EPHA7: variants seen among roughly 807,000 people sequenced by gnomAD.
The protein encoded by EPHA7 is ephrin type-A receptor 7.
EPHA7 carries 25 observed loss-of-function variants against 112.6 expected under a neutral mutation model. The observed-to-expected ratio is 0.22, with a 90% confidence interval of 0.16 to 0.31. The LOEUF is 0.31. Among genes scored for constraint, EPHA7 ranks in the 10% least tolerant of loss-of-function variants. EPHA7 has a pLI of 1.00. For synonymous variants in EPHA7, 437 were observed against 406.5 expected, an observed-to-expected ratio of 1.07 and a Z score of -0.90; for missense variants, 962 against 1,212.6, an observed-to-expected ratio of 0.79 and a Z score of 3.07.
intron 5 of EPHA7, among the ~76,000 whole-genome samples, chr6:93,331,720 A>T (rs1036852397): frequency 2.6e-5 from 4 of 151,590 alleles, no homozygotes; most frequent in African/African-American, 9.7e-5. Flanking sequence ...TGTAATTTGT[A>T]TGTGTGTGGC....
chr6:93,342,437 T>G (rs1439573523), intron 5 of EPHA7, among the ~76,000 whole-genome samples: 3 of 151,826 alleles, frequency 2.0e-5, no homozygotes, highest in African/African-American at 7.2e-5. Context: ...CACTCTATGC[T>G]CATACTATAA....
chr6:93,356,635 G>C (rs1407252415), intron 5 of EPHA7, 82 bp downstream of exon 5: 3 of 1,292,428 alleles, frequency 2.3e-6, no homozygotes, highest in Non-Finnish European at 2.2e-6. Flanking sequence ...TCTGTGCAGA[G>C]AAACTAACTA....
At position 93,357,066 on chromosome 6, in the gene EPHA7, G is replaced by T. The variant is rs769306272; in HGVS notation, c.989-14C>A. On this transcript the variant is annotated splice_polypyrimidine_tract_variant and intron_variant, in intron 4 of 16. Transcript: ENST00000369303. Reference sequence around the variant, plus strand: ...CAGATGGAGGCCCTTGGGAAACCAAGAATAAATAAGTAAATAAGCAAAAAT... The same window carrying T: ...CAGATGGAGGCCCTTGGGAAACCAATAATAAATAAGTAAATAAGCAAAAAT... 2 of 1,550,270 alleles carry T rather than the reference G, an allele frequency of 1.3e-6. No individual in the cohort carries two copies. The highest frequency in any genetic ancestry group is 1.7e-6 in the Non-Finnish European group (2 of 1,147,124).
intron 5 of EPHA7, among the ~76,000 whole-genome samples, chr6:93,296,708 A>G (rs1228915912): frequency 6.6e-6 from 1 of 151,720 alleles, no homozygotes; most frequent in Non-Finnish European, 1.5e-5. Context: ...GTGAGGAGAA[A>G]ATGGCATGAT....
At chr6:93,276,775 C>G (rs1304091370) in intron 5 of EPHA7, among the ~76,000 whole-genome samples, 2 of 152,008 alleles carry the variant, frequency 1.3e-5, no homozygotes, top group African/African-American at 4.8e-5. Context: ...AGACCCAAAA[C>G]ACAATGTTTC....
intron 3 of EPHA7, among the ~76,000 whole-genome samples, chr6:93,379,039 A>G (rs1777202801): frequency 6.6e-6 from 1 of 152,176 alleles, no homozygotes; most frequent in Non-Finnish European, 1.5e-5. Context: ...TATGGCTGAA[A>G]TGAATAAAAT....
At chr6:93,419,147 C>T in intron 1 of EPHA7, 98 bp downstream of exon 1, 1 of 987,636 alleles carries the variant, frequency 1.0e-6, no homozygotes, top group South Asian at 2.1e-5. Context: ...TCGCCCGGCG[C>T]CGGAGGCGCG....
chr6:93,393,638 G>A (rs2127982911), intron 3 of EPHA7, among the ~76,000 whole-genome samples: 1 of 151,854 alleles, frequency 6.6e-6, no homozygotes, highest in South Asian at 2.1e-4. Context: ...AGGGCAAAGG[G>A]GTAGAAACTT....
chr6:93,246,418 T>C (rs1193146596), intron 15 of EPHA7, among the ~76,000 whole-genome samples: 1 of 152,128 alleles, frequency 6.6e-6, no homozygotes, highest in Non-Finnish European at 1.5e-5. Flanking sequence ...AACAGTTAAA[T>C]AGATACTATG....
At chr6:93,383,012 T>C (rs1777418318) in intron 3 of EPHA7, among the ~76,000 whole-genome samples, 2 of 152,254 alleles carry the variant, frequency 1.3e-5, no homozygotes, top group Middle Eastern at 3.4e-3. Context: ...CTTTATCCTG[T>C]TTTAAGAGCC....
intron 1 of EPHA7, among the ~76,000 whole-genome samples, chr6:93,415,920 A>C (rs1779198875): frequency 6.6e-6 from 1 of 152,194 alleles, no homozygotes; most frequent in South Asian, 2.1e-4. Flanking sequence ...CAAAGGAACA[A>C]CTGATTATCT....
At position 93,411,180 on chromosome 6, in the gene EPHA7, T is replaced by A. The variant is rs367986894; in HGVS notation, c.163-10A>T. 4.4e-6 allele frequency: 7 copies of A among 1,590,116 alleles called. No homozygotes were observed. Among genetic ancestry groups the A allele is most frequent in the Middle Eastern group, 1.7e-4 (1 of 5,888 alleles). ...CACTAATTTCTTCCCACTGTAAAAT[T>A]TGAAAAAAGGTCATCAGTCATTCAG... On this transcript the variant is annotated splice_polypyrimidine_tract_variant and intron_variant, in intron 2 of 16. Transcript: ENST00000369303.
At chr6:93,393,581 C>T (rs970173539) in intron 3 of EPHA7, among the ~76,000 whole-genome samples, 5 of 151,710 alleles carry the variant, frequency 3.3e-5, no homozygotes, top group African/African-American at 1.2e-4. Flanking sequence ...TTTTTTAAAA[C>T]CCTATATTGG....
At chr6:93,334,988 C>T (rs1367907515) in intron 5 of EPHA7, among the ~76,000 whole-genome samples, 1 of 151,934 alleles carries the variant, frequency 6.6e-6, no homozygotes, top group Non-Finnish European at 1.5e-5. Flanking sequence ...AATAAATAAC[C>T]TAGAAGGCAA....
In EPHA7 at chr6:93,387,099, A is replaced by AT. The variant is rs1448430447; in HGVS notation, c.832+23401dup. 5.9e-5 allele frequency among the ~76,000 whole-genome samples: 9 copies of AT among 151,644 alleles called. No individual in the cohort carries two copies. The South Asian group carries it at 1.0e-3, about 18-fold the overall frequency. The stretch of plus-strand genomic sequence containing the variant: ...TCTGCAGCATATTTCTCCCCAGAAA[A>AT]TTTTTTTTTCTTTTCTACCACATCA... On this transcript the variant is annotated intron_variant, in intron 3 of 16. Transcript: ENST00000369303.
chr6:93,373,031 A>C (rs1386276), intron 3 of EPHA7, among the ~76,000 whole-genome samples: 13 of 152,000 alleles, frequency 8.6e-5, no homozygotes, highest in African/African-American at 2.9e-4. Context: ...TATGTCTTCA[A>C]CAATTGTCAA....
Position 93,352,957 on chromosome 6 carries a change from G to T in EPHA7, c.1324+3760C>A, listed in dbSNP as rs181980881. Among the ~76,000 whole-genome samples, 5 of 152,180 alleles carry T rather than the reference G, an allele frequency of 3.3e-5. No homozygotes were observed. In the East Asian group the frequency reaches 9.7e-4, roughly 29 times the overall value. ...CTGTGGGGTGGAGGGTGGCCAGAGGGAGAGGATTAGCAAAAATAACAAATG... is the reference window on the plus strand; with the variant it reads ...CTGTGGGGTGGAGGGTGGCCAGAGGTAGAGGATTAGCAAAAATAACAAATG... On this transcript the variant is annotated intron_variant, in intron 5 of 16. Coordinates refer to ENST00000369303, the MANE Select transcript of EPHA7 (RefSeq NM_004440.4).
intron 3 of EPHA7, among the ~76,000 whole-genome samples, chr6:93,363,414 T>C (rs940953141): frequency 1.3e-5 from 2 of 152,144 alleles, no homozygotes; most frequent in African/African-American, 4.8e-5. Context: ...TGTTTCTCCA[T>C]GAAAGCTTTA....
chr6:93,280,402 A>T (rs565316333), intron 5 of EPHA7, among the ~76,000 whole-genome samples: 143 of 152,330 alleles, frequency 9.4e-4, no homozygotes, highest in African/African-American at 3.3e-3. Context: ...GATTGGGCAC[A>T]CATTTTTCTG....
Sources: allele counts gnomAD v4.1 joint callset (sites outside exome capture counted in the v4.1 genomes callset), GRCh38; gene constraint gnomAD v4.1.1; transcripts MANE v1.5; gene names NCBI Gene and HGNC (gene_info 2026-07-23, HGNC 2026-07-21).